SPOCK2: variants seen among roughly 807,000 people sequenced by gnomAD.
SPOCK2 encodes the protein testican-2.
Under a neutral mutation model 60.1 loss-of-function variants are expected in SPOCK2, and 39 were observed. The observed-to-expected ratio is 0.65, with a 90% CI of 0.50 to 0.85. The LOEUF (loss-of-function observed/expected upper bound fraction) is 0.85. Among genes scored for constraint, SPOCK2 ranks in the 40% least tolerant of loss-of-function variants. SPOCK2 has a pLI of 0.00. For missense variants in SPOCK2, 523 were observed against 567.4 expected, an observed-to-expected ratio of 0.92 and a Z score of 0.80; for synonymous variants, 217 against 231.5, an observed-to-expected ratio of 0.94 and a Z score of 0.57.
intron 8 of SPOCK2, 34 bp downstream of exon 8, chr10:72,066,868 T>C: frequency 6.2e-7 from 1 of 1,612,072 alleles, no homozygotes; most frequent in Non-Finnish European, 8.5e-7. Flanking sequence ...CCCACACGGG[T>C]GAGGCAGGGG....
upstream of SPOCK2, chr10:72,088,939 G>A (rs1470174090): frequency 6.6e-6 from 1 of 152,386 alleles, no homozygotes; most frequent in Non-Finnish European, 1.5e-5. Flanking sequence ...CCCACCCAGA[G>A]GGGCCTGCGC....
intron 1 of SPOCK2, among the ~76,000 whole-genome samples, chr10:72,076,787 T>C (rs2131819103): frequency 6.6e-6 from 1 of 152,278 alleles, no homozygotes; most frequent in Non-Finnish European, 1.5e-5. Context: ...CTCACAGTCC[T>C]GTGAAGTAGT....
Position 72,065,445 on chromosome 10 carries a change from G to A in SPOCK2, c.929-1205C>T, listed in dbSNP as rs560595452. ...GTTGTAACCTGGGAGCAATGGGCCA[G>A]GTGCACAGGAGGCCGCACCACCAAG... On this transcript the variant is annotated intron_variant, in intron 8 of 10. Transcript: ENST00000373109. Among the ~76,000 whole-genome samples, 4 of 152,352 alleles carry A rather than the reference G, an allele frequency of 2.6e-5. No homozygotes were observed. The South Asian group carries it at 8.3e-4, about 32-fold the overall frequency.
intron 5 of SPOCK2, among the ~76,000 whole-genome samples, chr10:72,069,614 C>T (rs989687506): frequency 1.3e-5 from 2 of 152,078 alleles, no homozygotes; most frequent in Non-Finnish European, 2.9e-5. Flanking sequence ...CACGCCACTG[C>T]ACCCAGCTAA....
In SPOCK2 at chr10:72,087,912, A is replaced by T. The variant is rs1019601766; in HGVS notation, c.189+228T>A. Among the ~76,000 whole-genome samples, 1 of 151,366 alleles carries T rather than the reference A, an allele frequency of 6.6e-6. No individual in the cohort carries two copies. Among genetic ancestry groups the T allele is most frequent in the East Asian group, 2.0e-4 (1 of 5,082 alleles). ...ACCCCGGAGCGTCGGGCAGGTGTGG[A>T]GCTGGGGGTCCCGGGGCTGGGGGGT... On this transcript the variant is annotated intron_variant, in intron 1 of 10. Transcript: ENST00000373109. The surrounding 1 kb of genome is among the most constrained non-coding windows in gnomAD (Gnocchi z 4.7).
intron 5 of SPOCK2, chr10:72,068,984 G>C (rs1048709307): frequency 6.6e-6 from 1 of 152,546 alleles, no homozygotes; most frequent in African/African-American, 2.4e-5. Context: ...GCAGAGAACA[G>C]CAAGGCGCAC....
At chr10:72,083,257 C>T (rs926799704) in intron 1 of SPOCK2, among the ~76,000 whole-genome samples, 16 of 152,314 alleles carry the variant, frequency 1.1e-4, no homozygotes, top group African/African-American at 3.4e-4. Flanking sequence ...CAGCCTGTGG[C>T]GGTGGTGTGG....
intron 1 of SPOCK2, among the ~76,000 whole-genome samples, chr10:72,078,389 T>G (rs1177080654): frequency 6.6e-6 from 1 of 151,788 alleles, no homozygotes. Flanking sequence ...CGGGCGCCTG[T>G]AGTCCCAGCT....
At chr10:72,068,609 C>A in intron 5 of SPOCK2, 1 of 369,158 alleles carries the variant, frequency 2.7e-6, no homozygotes, top group Non-Finnish European at 4.9e-6. Flanking sequence ...TCACCCCTCC[C>A]CTGCCCCTGT....
In SPOCK2 at chr10:72,062,643, C is replaced by G. The variant is rs1840506703; in HGVS notation, c.*117G>C. 4.0e-6 allele frequency: 6 copies of G among 1,500,766 alleles called. No homozygotes were observed. The Admixed American group carries it at 1.1e-4, about 28-fold the overall frequency. The allele number at this position is 1,500,766 out of a possible 1,614,324, so 93.0% of individuals were successfully genotyped here. ...TGCCATGCACACTCACACTCCCAGT[C>G]CCCCCAGGTGGAGCAGGGTCCTTCT... is the stretch of plus-strand genomic sequence containing the variant. On this transcript the variant is annotated 3_prime_UTR_variant, in exon 11 of 11. Transcript: ENST00000373109. This position sits in a 1 kb window ranked among gnomAD's most constrained non-coding sequence, Gnocchi z 4.3.
At chr10:72,070,270 G>T (rs1223581992) in intron 5 of SPOCK2, 42 bp downstream of exon 5, 3 of 1,599,724 alleles carry the variant, frequency 1.9e-6, no homozygotes, top group South Asian at 1.1e-5. Flanking sequence ...TGTGGCCTCA[G>T]GTGACTCCAC....
chr10:72,088,040 C>T (rs536473887), intron 1 of SPOCK2, 100 bp downstream of exon 1: 5 of 1,444,424 alleles, frequency 3.5e-6, no homozygotes, highest in Non-Finnish European at 4.7e-6. Context: ...GGCTGCGGAG[C>T]CTCGGGCTGC....
intron 1 of SPOCK2, among the ~76,000 whole-genome samples, chr10:72,074,759 C>T (rs377186096): frequency 1.3e-5 from 2 of 152,292 alleles, no homozygotes; most frequent in South Asian, 2.1e-4. Context: ...TGAGAGCCCA[C>T]GGCGGCTCTC....
At position 72,087,462 on chromosome 10, in the gene SPOCK2, C is replaced by G. The variant is rs1003035109; in HGVS notation, c.189+678G>C. ...CCCCTCGCTCCAGGCTGGATTCCCC[C>G]CTGAAATGTTGGTCCGGGAAAACCA... On this transcript the variant is annotated intron_variant, in intron 1 of 10. Transcript: ENST00000373109. This position sits in a 1 kb window ranked among gnomAD's most constrained non-coding sequence, Gnocchi z 4.7. Among the ~76,000 whole-genome samples, 3 of 152,198 alleles carry G rather than the reference C, an allele frequency of 2.0e-5. No individual in the cohort carries two copies. Among genetic ancestry groups the G allele is most frequent in the Non-Finnish European group, 4.4e-5 (3 of 68,018 alleles).
Position 72,087,058 on chromosome 10 carries a change from C to A in SPOCK2, c.189+1082G>T, listed in dbSNP as rs1840868216. 5 of 1,515,132 alleles carry A rather than the reference C, an allele frequency of 3.3e-6. No homozygotes were observed. Among genetic ancestry groups the A allele is most frequent in the South Asian group, 1.2e-5 (1 of 80,260 alleles). The allele number at this position is 1,515,132 out of a possible 1,614,324, so 93.9% of individuals were successfully genotyped here. ...TTTCTGGGGTCAGGGCCGCGGTGAG[C>A]ACCAGGTCGCCAGGAGCAGCCGGCG... On this transcript the variant is annotated intron_variant, in intron 1 of 10. Transcript: ENST00000373109. The surrounding 1 kb of genome is among the most constrained non-coding windows in gnomAD (Gnocchi z 4.7).
intron 1 of SPOCK2, among the ~76,000 whole-genome samples, chr10:72,083,994 T>C (rs552606126): frequency 3.1e-4 from 47 of 152,228 alleles, no homozygotes; most frequent in African/African-American, 9.2e-4. Flanking sequence ...AGCCCCTTTG[T>C]GGCTACTTGC....
chr10:72,072,281 C>T (rs1422226952), intron 3 of SPOCK2, 23 bp from the exon 4 acceptor site: 1 of 1,500,228 alleles, frequency 6.7e-7, no homozygotes, highest in East Asian at 2.4e-5. Context: ...AGAGTCAGGA[C>T]ACAGGTCACC....
chr10:72,072,792 C>T (rs1294042541), intron 2 of SPOCK2, 110 bp downstream of exon 2: 3 of 1,507,748 alleles, frequency 2.0e-6, no homozygotes, highest in Admixed American at 2.0e-5. Flanking sequence ...CCATGCCACA[C>T]TGGAGGCTGG....
At chr10:72,072,980 A>G in intron 1 of SPOCK2, 70 bp from the exon 2 acceptor site, 1 of 1,550,460 alleles carries the variant, frequency 6.4e-7, no homozygotes, top group East Asian at 2.4e-5. Context: ...AGATGGGGAT[A>G]TCAGTGTGAG....
Sources: gnomAD v4.1 joint callset for allele counts (sites outside exome capture counted in the v4.1 genomes callset) on GRCh38, gnomAD v4.1.1 for gene constraint, Gnocchi (gnomAD v3.1) non-coding constraint, MANE v1.5 for transcripts, NCBI Gene and HGNC (gene_info 2026-07-23, HGNC 2026-07-21) for gene names.